The following AARS1 variants were observed in gnomAD, a reference collection of about 807,000 sequenced individuals.
AARS1 encodes alanyl-tRNA synthetase 1.
A neutral mutation model predicts 108.9 loss-of-function variants in AARS1; 72 were observed. The ratio of observed to expected loss-of-function variants is 0.66; its 90% CI spans 0.55 to 0.80. The LOEUF is 0.80. AARS1 is among the 30% of genes least tolerant of loss of function. The pLI, the probability that AARS1 is intolerant of heterozygous loss-of-function variation, is 0.00. For synonymous variants in AARS1, 489 were observed against 465.7 expected (o/e 1.05, Z -0.64); for missense variants, 1,193 against 1,233.2 (o/e 0.97, Z 0.49).
At chr16:70,289,293 C>A (rs76305777) in intron 1 of AARS1, 128 bp downstream of exon 1, 1 of 346,094 alleles carries the variant, frequency 2.9e-6, no homozygotes, top group African/African-American at 2.1e-5. Flanking sequence ...CCCGCTCCAG[C>A]CCAGACTGGG....
Position 70,259,180 on chromosome 16 carries a change from G to T in AARS1, c.1792C>A (p.Arg598=). Residue 598 remains arginine (R), a synonymous_variant, in exon 14 of 21, where the codon CGA becomes AGA. Transcript: ENST00000261772. The part of the protein sequence containing the change: ...QVWLFIDEPR[R]RPIMSNHTAT... ...GTGTGGTTGCTCATGATGGGTCTTC[G>T]TCGGGGCTGGAAAGGGCAGAGGGGC... 1.2e-6 allele frequency: 2 copies of T among 1,613,976 alleles called. No homozygotes were observed. The highest frequency in any genetic ancestry group is 1.1e-5 in the South Asian group (1 of 91,060).
At chr16:70,269,322 G>GAAAAAAAAAAAAAAAAAAAA (rs56394253) in intron 7 of AARS1, among the ~76,000 whole-genome samples, 8 of 64,266 alleles carry the variant, frequency 1.2e-4, no homozygotes, top group African/African-American at 4.6e-4. Flanking sequence ...TTCTGTCTCA[G>GAAAAAAAAAAAAAAAAAAAA]AAAAAAAAAA....
intron 2 of AARS1, among the ~76,000 whole-genome samples, chr16:70,281,769 T>C (rs757432820): frequency 6.6e-6 from 1 of 152,136 alleles, no homozygotes; most frequent in Non-Finnish European, 1.5e-5. Flanking sequence ...AGAGGATCAC[T>C]TAAGCCCAGG....
intron 4 of AARS1, among the ~76,000 whole-genome samples, chr16:70,273,525 C>G (rs1472020981): frequency 6.6e-6 from 1 of 152,040 alleles, no homozygotes; most frequent in African/African-American, 2.4e-5. Flanking sequence ...CAAGATCAGC[C>G]TGGGCAACAT....
At chr16:70,285,058 C>T (rs1960805861) in intron 1 of AARS1, among the ~76,000 whole-genome samples, 1 of 152,062 alleles carries the variant, frequency 6.6e-6, no homozygotes, top group South Asian at 2.1e-4. Flanking sequence ...GGTGAAACCC[C>T]ATCTCTACTA....
At chr16:70,287,826 C>T (rs889541084) in intron 1 of AARS1, among the ~76,000 whole-genome samples, 2 of 151,974 alleles carry the variant, frequency 1.3e-5, no homozygotes, top group African/African-American at 4.8e-5. Context: ...TGCAATGGTG[C>T]GCAACCTCGG....
chr16:70,257,715 T>C (rs535737724), intron 15 of AARS1, among the ~76,000 whole-genome samples: 17 of 152,286 alleles, frequency 1.1e-4, no homozygotes, highest in Non-Finnish European at 1.0e-4. Context: ...CTCCAGGCCT[T>C]GCTGAATCCC....
At position 70,289,460 on chromosome 16, in the gene AARS1, C is replaced by G; in HGVS notation, c.-61G>C. ...CCGTCCCCAGCTCCTCCCTCAGAGT[C>G]CCCCGCCAAGGGCCCGCTGCACCTA... On this transcript the variant is annotated 5_prime_UTR_variant, in exon 1 of 21. Coordinates refer to ENST00000261772, the MANE Select transcript of AARS1 (RefSeq NM_001605.3). 2.4e-6 allele frequency: 1 copy of G among 420,476 alleles called. No homozygotes were observed. Among genetic ancestry groups the G allele is most frequent in the South Asian group, 1.7e-5 (1 of 57,816 alleles). 26.0% of individuals were successfully genotyped at this position (420,476 alleles called of 1,614,324 possible).
At chr16:70,259,530 T>G (rs1055921971) in intron 13 of AARS1, among the ~76,000 whole-genome samples, 1 of 152,140 alleles carries the variant, frequency 6.6e-6, no homozygotes, top group Non-Finnish European at 1.5e-5. Context: ...TCACCCAGGA[T>G]AGAGTACAGC....
intron 6 of AARS1, 106 bp from the exon 7 acceptor site, chr16:70,269,869 C>T (rs894105325): frequency 3.0e-5 from 43 of 1,454,922 alleles, no homozygotes; most frequent in Non-Finnish European, 3.4e-5. Flanking sequence ...GAAAGGATGC[C>T]GGTCTTGCCA....
chr16:70,266,056 G>A (rs1960255405), intron 9 of AARS1, among the ~76,000 whole-genome samples: 1 of 152,196 alleles, frequency 6.6e-6, no homozygotes, highest in African/African-American at 2.4e-5. Flanking sequence ...GCTCACGCCT[G>A]TAATCCCAGC....
intron 4 of AARS1, 106 bp from the exon 5 acceptor site, chr16:70,272,078 C>T: frequency 1.0e-6 from 1 of 991,404 alleles, no homozygotes; most frequent in Non-Finnish European, 1.6e-6. Context: ...GGCACAGTGG[C>T]TCATGTTACT....
intron 5 of AARS1, among the ~76,000 whole-genome samples, chr16:70,270,916 A>G (rs944285956): frequency 2.0e-5 from 3 of 150,782 alleles, no homozygotes; most frequent in Non-Finnish European, 2.9e-5. Context: ...TGGGAGGCCG[A>G]GGCGGGGGAA....
At chr16:70,286,048 T>C (rs558732732) in intron 1 of AARS1, among the ~76,000 whole-genome samples, 2 of 152,334 alleles carry the variant, frequency 1.3e-5, no homozygotes, top group Admixed American at 1.3e-4. Context: ...GAGACTATCA[T>C]ATGCAGAATT....
At chr16:70,272,695 A>G (rs1960438191) in intron 4 of AARS1, among the ~76,000 whole-genome samples, 1 of 151,370 alleles carries the variant, frequency 6.6e-6, no homozygotes, top group African/African-American at 2.4e-5. Flanking sequence ...GGCCACGCGC[A>G]TTGCTTGAGC....
At chr16:70,255,891 G>T in intron 15 of AARS1, 55 bp from the exon 16 acceptor site, 4 of 1,516,250 alleles carry the variant, frequency 2.6e-6, no homozygotes, top group Middle Eastern at 1.7e-4. Flanking sequence ...GCCCTTGGCT[G>T]GGGGGTCACA....
chr16:70,263,528 G>A lies in AARS1; in HGVS notation c.1493-1004C>T, dbSNP rs546310305. Among the ~76,000 whole-genome samples, 41 of 150,656 alleles carry A rather than the reference G, an allele frequency of 2.7e-4. No individual in the cohort carries two copies. In the South Asian group the frequency reaches 6.9e-3, roughly 25 times the overall value. On this transcript the variant is annotated intron_variant, in intron 11 of 20. Coordinates refer to ENST00000261772, the MANE Select transcript of AARS1 (RefSeq NM_001605.3). ...AGAAGTTGCAGTGAGCCGAGAATGC[G>A]CCACTGCACTCCAGCCTGGGTGACA... is the stretch of plus-strand genomic sequence containing the variant.
At chr16:70,258,285 A>C in intron 14 of AARS1, 68 bp from the exon 15 acceptor site, 1 of 1,522,438 alleles carries the variant, frequency 6.6e-7, no homozygotes, top group East Asian at 2.5e-5. Context: ...CGAGGCAGGA[A>C]AGCATGGTCC....
chr16:70,255,964 C>G, intron 15 of AARS1, 128 bp from the exon 16 acceptor site: 1 of 847,770 alleles, frequency 1.2e-6, no homozygotes, highest in South Asian at 1.5e-5. Context: ...TGAGAGTATT[C>G]TGACACCAAG....
Sources: allele counts gnomAD v4.1 joint callset (sites outside exome capture counted in the v4.1 genomes callset), GRCh38; gene constraint gnomAD v4.1.1; transcripts MANE v1.5; gene names NCBI Gene and HGNC (gene_info 2026-07-23, HGNC 2026-07-21).